The following FOCAD variants were observed in gnomAD, a reference collection of about 807,000 sequenced individuals.
FOCAD encodes the protein KIAA1797.
FOCAD carries 198 observed loss-of-function variants against 225.6 expected under a neutral mutation model. The ratio of observed to expected loss-of-function variants is 0.88; its 90% CI spans 0.78 to 0.99. FOCAD has a LOEUF of 0.99. FOCAD is among the 50% of genes least tolerant of loss of function. The probability of loss-of-function intolerance (pLI) is 0.00; values close to 1 mark genes in which losing one functional copy is unlikely to be tolerated. For missense variants in FOCAD, 2,713 were observed against 2,123.6 expected (o/e 1.28, Z -5.46); for synonymous variants, 897 against 755.0 (o/e 1.19, Z -3.08).
At chr9:20,879,039 A>G (rs999360918) in intron 19 of FOCAD, among the ~76,000 whole-genome samples, 4 of 152,114 alleles carry the variant, frequency 2.6e-5, no homozygotes, top group Non-Finnish European at 5.9e-5. Context: ...TCTCCCCTGT[A>G]CACTACTCAG....
chr9:20,938,211 C>G (rs1429780689), intron 28 of FOCAD, among the ~76,000 whole-genome samples: 1 of 152,116 alleles, frequency 6.6e-6, no homozygotes, highest in Non-Finnish European at 1.5e-5. Flanking sequence ...ACCATTTGAC[C>G]CAGCCATTCC....
At chr9:20,939,311 T>C (rs762191434) in intron 28 of FOCAD, among the ~76,000 whole-genome samples, 1 of 152,234 alleles carries the variant, frequency 6.6e-6, no homozygotes, top group Non-Finnish European at 1.5e-5. Context: ...ACCTAATCCA[T>C]GCATTTATAT....
chr9:20,769,591 G>C (rs1483077025), intron 7 of FOCAD, among the ~76,000 whole-genome samples: 3 of 152,346 alleles, frequency 2.0e-5, no homozygotes, highest in South Asian at 4.1e-4. Context: ...GCCTGAGCAA[G>C]TATCTTGCAG....
rs377750326 is a variant in FOCAD at position 20,658,371 on chromosome 9, C to G, written c.-302C>G. The G allele has an allele frequency of 4.7e-4, 80 of 171,964 alleles. 1 individual carries two copies. In the East Asian group the frequency reaches 9.3e-3, roughly 20 times the overall value. The allele number at this position is 171,964 out of a possible 1,614,324, so 10.7% of individuals were successfully genotyped here. On this transcript the variant is annotated 5_prime_UTR_variant, in exon 1 of 46. Coordinates refer to the FOCAD transcript ENST00000380249. ...CCTGGGCAATGGCGGGCGCCCCTCCCGCAGCCTCGCTGCCGCCTTGCAGGT... is the reference window on the plus strand; with the variant it reads ...CCTGGGCAATGGCGGGCGCCCCTCCGGCAGCCTCGCTGCCGCCTTGCAGGT...
chr9:20,670,946 G>A (rs952503529), intron 2 of FOCAD, among the ~76,000 whole-genome samples: 1 of 152,130 alleles, frequency 6.6e-6, no homozygotes, highest in Non-Finnish European at 1.5e-5. Flanking sequence ...TTAAAAAATA[G>A]CAATCCTTAT....
chr9:20,970,748 T>C (rs190405609), intron 35 of FOCAD, among the ~76,000 whole-genome samples: 2 of 152,286 alleles, frequency 1.3e-5, no homozygotes, highest in East Asian at 3.9e-4. Flanking sequence ...TTGTTTCATT[T>C]TATGCTCCAT....
intron 15 of FOCAD, among the ~76,000 whole-genome samples, chr9:20,835,250 G>T (rs1265195993): frequency 6.6e-6 from 1 of 151,962 alleles, no homozygotes; most frequent in Non-Finnish European, 1.5e-5. Context: ...ATTACGTCCT[G>T]TATTAAACTT....
intron 10 of FOCAD, among the ~76,000 whole-genome samples, chr9:20,786,293 G>A (rs1361458461): frequency 1.3e-5 from 2 of 152,164 alleles, no homozygotes; most frequent in Admixed American, 6.6e-5. Context: ...TTAGACTTCT[G>A]ATTGGAACTT....
At chr9:20,722,644 A>G (rs1355135084) in intron 4 of FOCAD, among the ~76,000 whole-genome samples, 1 of 152,268 alleles carries the variant, frequency 6.6e-6, no homozygotes, top group Non-Finnish European at 1.5e-5. Context: ...TTCTACACGC[A>G]TTCACATACA....
intron 21 of FOCAD, among the ~76,000 whole-genome samples, chr9:20,906,561 G>T (rs1832995965): frequency 6.6e-6 from 1 of 151,972 alleles, no homozygotes; most frequent in Non-Finnish European, 1.5e-5. Flanking sequence ...GAGAAACAGG[G>T]TTTGCATGTT....
In FOCAD at chr9:20,772,685, G is replaced by A. The variant is rs372402835; in HGVS notation, c.906+2447G>A. Among the ~76,000 whole-genome samples the A allele has an allele frequency of 4.1e-4, 63 of 152,104 alleles. 1 individual carries two copies. The highest frequency in any genetic ancestry group is 2.9e-3 in the South Asian group (14 of 4,812). On this transcript the variant is annotated intron_variant, in intron 8 of 43. Transcript: ENST00000338382. The stretch of plus-strand genomic sequence containing the variant: ...AGCAGGGTGGTGGTGGTTGGGGGGC[G>A]TGGAAATTGGAATTAAGGGAGTGTG...
chr9:20,723,107 A>T (rs970405064), intron 4 of FOCAD, among the ~76,000 whole-genome samples: 1 of 152,216 alleles, frequency 6.6e-6, no homozygotes, highest in Non-Finnish European at 1.5e-5. Flanking sequence ...GTAAATTGCA[A>T]AGTATAAGCT....
At chr9:20,702,235 T>C (rs1166358195) in intron 1 of FOCAD, among the ~76,000 whole-genome samples, 2 of 152,086 alleles carry the variant, frequency 1.3e-5, no homozygotes, top group Non-Finnish European at 1.5e-5. Context: ...CCTGGGTAGC[T>C]AGGACTAAAG....
At chr9:20,796,784 T>C (rs1412363304) in intron 11 of FOCAD, among the ~76,000 whole-genome samples, 1 of 152,112 alleles carries the variant, frequency 6.6e-6, no homozygotes, top group African/African-American at 2.4e-5. Flanking sequence ...ACTCTGATGG[T>C]AGTTTCTTTT....
Position 20,791,858 on chromosome 9 carries a change from T to C in FOCAD, c.1455+2250T>C, listed in dbSNP as rs868592487. Reference sequence around the variant, plus strand: ...GGAAGGATAGATAGTGTACTCATCATAGAAGTGGAAATGTGCAAAATAGGC... The same window carrying C: ...GGAAGGATAGATAGTGTACTCATCACAGAAGTGGAAATGTGCAAAATAGGC... On this transcript the variant is annotated intron_variant, in intron 11 of 43. Transcript: ENST00000338382. 4.6e-5 allele frequency among the ~76,000 whole-genome samples: 7 copies of C among 152,288 alleles called. No individual in the cohort carries two copies. The Middle Eastern group carries it at 0.017, about 370-fold the overall frequency.
chr9:20,735,602 A>T (rs1158503440), intron 4 of FOCAD, among the ~76,000 whole-genome samples: 2 of 151,674 alleles, frequency 1.3e-5, no homozygotes, highest in African/African-American at 4.8e-5. Flanking sequence ...TGTAATCTCA[A>T]ACTCCTGGGC....
At chr9:20,864,404 T>A (rs1053165066) in intron 16 of FOCAD, among the ~76,000 whole-genome samples, 4 of 152,048 alleles carry the variant, frequency 2.6e-5, no homozygotes, top group Non-Finnish European at 5.9e-5. Context: ...TCCTTCAAAC[T>A]TTTCCTTCCT....
chr9:20,862,463 G>A, intron 15 of FOCAD, 115 bp from the exon 16 acceptor site: 1 of 1,170,524 alleles, frequency 8.5e-7, no homozygotes, highest in South Asian at 1.8e-5. Flanking sequence ...TATCTTCTAG[G>A]CATAGTCTTA....
Position 20,715,377 on chromosome 9 carries a change from GT to G in FOCAD, c.27del (p.Phe9LeufsTer21), listed in dbSNP as rs1282114064. 2 of 1,525,200 alleles carry G rather than the reference GT, an allele frequency of 1.3e-6. No individual in the cohort carries two copies. Among genetic ancestry groups the G allele is most frequent in the African/African-American group, 2.7e-5 (2 of 72,806 alleles). The allele number at this position is 1,525,200 out of a possible 1,614,324, so 94.5% of individuals were successfully genotyped here. A position where few individuals can be genotyped will look rare whatever the true frequency, so the allele number is the denominator to read the frequency against. On this transcript the variant is annotated frameshift_variant, in exon 2 of 44. Coordinates refer to ENST00000338382, the MANE Select transcript of FOCAD (RefSeq NM_001375567.1). LOFTEE classifies it high-confidence loss of function. ...AAATGTCAGATGATATCAGGAAAAGGTTTGAATTTCCAAATTCTCTTATCCA... is the reference window on the plus strand; with the variant it reads ...AAATGTCAGATGATATCAGGAAAAGGTTGAATTTCCAAATTCTCTTATCCA... MSDDIRKR[F>X]EFPNSLIQSQ...
Sources: allele counts gnomAD v4.1 joint callset (sites outside exome capture counted in the v4.1 genomes callset), GRCh38; gene constraint gnomAD v4.1.1; transcripts MANE v1.5; gene names NCBI Gene and HGNC (gene_info 2026-07-23, HGNC 2026-07-21).